The following ST6GALNAC3 variants were observed in gnomAD, a reference collection of about 807,000 sequenced individuals.
ST6GALNAC3 encodes ST6 N-acetylgalactosaminide alpha-2,6-sialyltransferase 3.
A neutral mutation model predicts 32.7 loss-of-function variants in ST6GALNAC3; 25 were observed. The observed-to-expected ratio is 0.76, with a 90% CI of 0.56 to 1.07. The LOEUF is 1.07. ST6GALNAC3 is among the 50% of genes least tolerant of loss of function. The pLI is 0.00. For missense variants in ST6GALNAC3, 355 were observed against 382.4 expected (o/e 0.93, Z 0.60); for synonymous variants, 129 against 133.1 (o/e 0.97, Z 0.21).
At chr1:76,185,134 A>T (rs1653471206) in intron 1 of ST6GALNAC3, among the ~76,000 whole-genome samples, 1 of 152,196 alleles carries the variant, frequency 6.6e-6, no homozygotes, top group African/African-American at 2.4e-5. Context: ...CCACCAGGCT[A>T]GTTAGTGTTA....
intron 1 of ST6GALNAC3, among the ~76,000 whole-genome samples, chr1:76,243,777 T>C (rs1368634297): frequency 1.3e-5 from 2 of 152,204 alleles, no homozygotes; most frequent in African/African-American, 4.8e-5. Context: ...TGTGGTGTTA[T>C]TTCTGAGGTC....
At chr1:76,620,415 C>A (rs1405009225) in intron 3 of ST6GALNAC3, among the ~76,000 whole-genome samples, 2 of 152,040 alleles carry the variant, frequency 1.3e-5, no homozygotes, top group African/African-American at 4.8e-5. Flanking sequence ...TTGGTCTGCC[C>A]TGGCCATCGT....
At chr1:76,544,256 C>T (rs1384184880) in intron 3 of ST6GALNAC3, among the ~76,000 whole-genome samples, 1 of 151,920 alleles carries the variant, frequency 6.6e-6, no homozygotes, top group African/African-American at 2.4e-5. Context: ...CTATGCAGGC[C>T]ATGGTAAGGA....
Position 76,388,229 on chromosome 1 carries a change from C to T in ST6GALNAC3, c.214-23779C>T, listed in dbSNP as rs146338927. 5.4e-3 allele frequency among the ~76,000 whole-genome samples: 817 copies of T among 152,228 alleles called. 5 individuals carry two copies. Among genetic ancestry groups the T allele is most frequent in the African/African-American group, 0.019 (773 of 41,540 alleles). The stretch of plus-strand genomic sequence containing the variant: ...AAGGGGGTGAGAAATAGTCTTTGGA[C>T]GGTCAGCTATCCATGTACAGTAGTT... On this transcript the variant is annotated intron_variant, in intron 2 of 4. Transcript: ENST00000328299.
intron 2 of ST6GALNAC3, among the ~76,000 whole-genome samples, chr1:76,409,960 G>A (rs897989770): frequency 2.6e-5 from 4 of 152,010 alleles, no homozygotes; most frequent in African/African-American, 9.7e-5. Context: ...GAACATAAGC[G>A]GCTTCTCTCC....
chr1:76,132,604 TC>T (rs1649683490), intron 1 of ST6GALNAC3, among the ~76,000 whole-genome samples: 1 of 152,154 alleles, frequency 6.6e-6, no homozygotes. Context: ...TCTGATTGTC[TC>T]CCTTTTGGGC....
chr1:76,369,222 G>T (rs966401258), intron 2 of ST6GALNAC3, among the ~76,000 whole-genome samples: 1 of 152,026 alleles, frequency 6.6e-6, no homozygotes, highest in Non-Finnish European at 1.5e-5. Flanking sequence ...TTCCCAGGAA[G>T]CTCCTCTGTG....
intron 1 of ST6GALNAC3, among the ~76,000 whole-genome samples, chr1:76,243,445 T>C (rs567593921): frequency 2.0e-5 from 3 of 152,310 alleles, no homozygotes; most frequent in Admixed American, 1.3e-4. Flanking sequence ...AGGCAGAAGC[T>C]CTTTAGTTTA....
At chr1:76,126,040 G>C (rs1649217925) in intron 1 of ST6GALNAC3, among the ~76,000 whole-genome samples, 1 of 152,128 alleles carries the variant, frequency 6.6e-6, no homozygotes, top group Non-Finnish European at 1.5e-5. Context: ...AATCTTATTG[G>C]ATTTTCAAGA....
At chr1:76,583,633 A>G (rs1646921840) in intron 3 of ST6GALNAC3, among the ~76,000 whole-genome samples, 1 of 152,160 alleles carries the variant, frequency 6.6e-6, no homozygotes, top group Non-Finnish European at 1.5e-5. Flanking sequence ...AACAAAAATG[A>G]AAGAGTGCCT....
chr1:76,393,926 G>T (rs1280123099), intron 2 of ST6GALNAC3, among the ~76,000 whole-genome samples: 1 of 152,154 alleles, frequency 6.6e-6, no homozygotes, highest in African/African-American at 2.4e-5. Context: ...GAAACAAAGA[G>T]TCTAGGGTAT....
Position 76,443,242 on chromosome 1 carries a change from C to T in ST6GALNAC3, c.623+30825C>T, listed in dbSNP as rs149697588. On this transcript the variant is annotated intron_variant, in intron 3 of 4. Coordinates refer to ENST00000328299, the MANE Select transcript of ST6GALNAC3 (RefSeq NM_152996.4). ...GATCATAGTTCACAGCAGCCTCAAT[C>T]TCTTTAGCTTAAGCCACCCTTCTAC... 9.2e-5 allele frequency among the ~76,000 whole-genome samples: 14 copies of T among 152,272 alleles called. No homozygotes were observed. The East Asian group carries it at 2.5e-3, about 27-fold the overall frequency.
intron 1 of ST6GALNAC3, among the ~76,000 whole-genome samples, chr1:76,184,788 CTGTT>C (rs1653446318): frequency 6.6e-6 from 1 of 152,100 alleles, no homozygotes; most frequent in Non-Finnish European, 1.5e-5. Context: ...GAAAAGGAAT[CTGTT>C]TGTCTGGGTC....
intron 1 of ST6GALNAC3, among the ~76,000 whole-genome samples, chr1:76,101,024 T>C (rs1647212540): frequency 6.6e-6 from 1 of 152,120 alleles, no homozygotes; most frequent in Non-Finnish European, 1.5e-5. Context: ...GACACATCAT[T>C]ATCACCCAAA....
rs552105466 is a variant in ST6GALNAC3, at chr1:76,105,224, G to A, written c.18+30340G>A. On this transcript the variant is annotated intron_variant, in intron 1 of 4. Coordinates refer to ENST00000328299, the MANE Select transcript of ST6GALNAC3 (RefSeq NM_152996.4). The stretch of plus-strand genomic sequence containing the variant: ...ATCAAGATTTTGTCACAATTTGCAT[G>A]GAAATATTCACAACCTATAAGAAGA... Among the ~76,000 whole-genome samples the A allele has an allele frequency of 2.0e-5, 3 of 152,256 alleles. No individual in the cohort carries two copies. The East Asian group carries it at 5.8e-4, about 29-fold the overall frequency.
At chr1:76,388,674 G>A (rs898620117) in intron 2 of ST6GALNAC3, among the ~76,000 whole-genome samples, 20 of 152,144 alleles carry the variant, frequency 1.3e-4, no homozygotes, top group Non-Finnish European at 5.9e-5. Context: ...TGTACTTGAA[G>A]CTTCAGTGAA....
chr1:76,208,046 C>CT (rs1553165414), intron 1 of ST6GALNAC3, among the ~76,000 whole-genome samples: 3 of 54,374 alleles, frequency 5.5e-5, no homozygotes, highest in Admixed American at 2.7e-4. Flanking sequence ...AGAGTGCCCC[C>CT]CCCCCCAAAA....
At chr1:76,598,028 G>A (rs947807990) in intron 3 of ST6GALNAC3, among the ~76,000 whole-genome samples, 2 of 152,132 alleles carry the variant, frequency 1.3e-5, no homozygotes, top group African/African-American at 4.8e-5. Flanking sequence ...AGTTCTGCAG[G>A]CCGGGAATAC....
intron 3 of ST6GALNAC3, among the ~76,000 whole-genome samples, chr1:76,537,465 G>A (rs1206006992): frequency 1.3e-5 from 2 of 151,962 alleles, no homozygotes; most frequent in African/African-American, 2.4e-5. Flanking sequence ...AAGTAACTAA[G>A]ATCAGAGCAG....
Sources: gnomAD v4.1 joint callset for allele counts (sites outside exome capture counted in the v4.1 genomes callset) on GRCh38, gnomAD v4.1.1 for gene constraint, MANE v1.5 for transcripts, NCBI Gene and HGNC (gene_info 2026-07-23, HGNC 2026-07-21) for gene names.